CCDC88A: variants seen among roughly 807,000 people sequenced by gnomAD.
The protein encoded by CCDC88A is girdin.
In CCDC88A, 54 loss-of-function variants were observed where a neutral mutation model predicts 234.3. The ratio of observed to expected loss-of-function variants is 0.23; its 90% CI spans 0.19 to 0.29. The LOEUF (loss-of-function observed/expected upper bound fraction) is 0.29. CCDC88A is among the 10% of genes least tolerant of loss of function. The probability of loss-of-function intolerance (pLI) is 1.00; values close to 1 mark genes in which losing one functional copy is unlikely to be tolerated. For missense variants in CCDC88A, 1,832 were observed against 2,123.4 expected (o/e 0.86, Z 2.70); for synonymous variants, 753 against 737.8 (o/e 1.02, Z -0.33).
Position 55,348,754 on chromosome 2 carries a change from T to TA in CCDC88A, c.882+763dup, listed in dbSNP as rs952847698. 5.3e-5 allele frequency: 8 copies of TA among 151,582 alleles called. No individual in the cohort carries two copies. The South Asian group carries it at 6.3e-4, about 12-fold the overall frequency. The allele number at this position is 151,582 out of a possible 1,614,324, so 9.4% of individuals were successfully genotyped here. On this transcript the variant is annotated intron_variant, in intron 9 of 32. Transcript: ENST00000436346. The stretch of plus-strand genomic sequence containing the variant: ...CTGCTTTAGAGAGAACCAACACACG[T>TA]AAAAAAAACCCTGCTGCCAACAAGT...
In CCDC88A at chr2:55,301,121, A is replaced by C. The variant is rs2576699; in HGVS notation, c.4744+85T>G. On this transcript the variant is annotated intron_variant, in intron 28 of 32. Transcript: ENST00000436346. ...AGAGAAAACATGCTTGCTGGCAATG[A>C]CGCATTCACCTATTAAAGGCAAGAG... 712,440 of 762,340 alleles carry C rather than the reference A, an allele frequency of 0.93. 334,605 individuals are homozygous for C. Among genetic ancestry groups the C allele is most frequent in the Admixed American group, 0.97 (40,528 of 41,996 alleles). 47.2% of individuals were successfully genotyped at this position (762,340 alleles called of 1,614,324 possible). A position where few individuals can be genotyped will look rare whatever the true frequency, so the allele number is the denominator to read the frequency against.
At position 55,355,762 on chromosome 2, in the gene CCDC88A, A is replaced by T. The variant is rs765775276; in HGVS notation, c.628-11T>A. ...GAGTTCTATGATAGTCTAGAAATAC[A>T]CACAGAATCACTTTCAGTATTCTAC... On this transcript the variant is annotated splice_polypyrimidine_tract_variant and intron_variant, in intron 7 of 32. Transcript: ENST00000436346. 6.3e-7 allele frequency: 1 copy of T among 1,599,926 alleles called. No homozygotes were observed. Among genetic ancestry groups the T allele is most frequent in the Non-Finnish European group, 8.6e-7 (1 of 1,168,276 alleles).
chr2:55,419,095 T>A lies in CCDC88A; in HGVS notation c.-16A>T. ...CGTTCTCCATTTTACAGAGTATGTATTTGAAAAAAGGAACTACCACAAAAA... is the reference window on the plus strand; with the variant it reads ...CGTTCTCCATTTTACAGAGTATGTAATTGAAAAAAGGAACTACCACAAAAA... On this transcript the variant is annotated 5_prime_UTR_variant, in exon 1 of 33. Coordinates refer to ENST00000436346, the MANE Select transcript of CCDC88A (RefSeq NM_001365480.1). The A allele has an allele frequency of 6.3e-7, 1 of 1,575,784 alleles. No homozygotes were observed. The highest frequency in any genetic ancestry group is 1.7e-4 in the Middle Eastern group (1 of 5,996).
chr2:55,329,620 G>C (rs576949837), intron 16 of CCDC88A: 19 of 152,282 alleles, frequency 1.2e-4, no homozygotes, highest in African/African-American at 4.3e-4. Context: ...TGATGTATGG[G>C]AATGCTCAGC....
intron 2 of CCDC88A, among the ~76,000 whole-genome samples, chr2:55,393,289 G>GGTTT (rs1676959564): frequency 1.6e-5 from 1 of 61,658 alleles, no homozygotes; most frequent in African/African-American, 7.1e-5. Flanking sequence ...GGTTTTTTGG[G>GGTTT]TTTTTTTTTT....
At position 55,334,868 on chromosome 2, in the gene CCDC88A, T is replaced by C. The variant is rs1278407624; in HGVS notation, c.1953A>G (p.Leu651=). 5 of 1,517,686 alleles carry C rather than the reference T, an allele frequency of 3.3e-6. No individual in the cohort carries two copies. Among genetic ancestry groups the C allele is most frequent in the Non-Finnish European group, 4.5e-6 (5 of 1,117,980 alleles). 94.0% of individuals were successfully genotyped at this position (1,517,686 alleles called of 1,614,324 possible). Residue 651 remains leucine (L), a synonymous_variant, in exon 15 of 33, where the codon TTA becomes TTG. Coordinates refer to ENST00000436346, the MANE Select transcript of CCDC88A (RefSeq NM_001365480.1). This position sits in a 1 kb window ranked among gnomAD's most constrained non-coding sequence, Gnocchi z 6.1. Reference sequence around the variant, plus strand: ...CCTCAATTTTTTCACAAGTAATTTTTAAATTAGTTATTTTTTTCTGTAATA... The same window carrying C: ...CCTCAATTTTTTCACAAGTAATTTTCAAATTAGTTATTTTTTTCTGTAATA... ...NELLQKKITN[L]KITCEKIEAL...
At chr2:55,408,763 C>T (rs1680005301) in intron 2 of CCDC88A, among the ~76,000 whole-genome samples, 1 of 152,108 alleles carries the variant, frequency 6.6e-6, no homozygotes, top group South Asian at 2.1e-4. Context: ...AATAAACTTG[C>T]TTTCACTTTA....
intron 17 of CCDC88A, among the ~76,000 whole-genome samples, chr2:55,327,910 A>C (rs1290418247): frequency 6.6e-6 from 1 of 152,214 alleles, no homozygotes; most frequent in Non-Finnish European, 1.5e-5. Flanking sequence ...TTTTCCTCTA[A>C]CTTGGTATAC....
chr2:55,373,104 A>T (rs1673079366), intron 4 of CCDC88A, among the ~76,000 whole-genome samples: 1 of 152,192 alleles, frequency 6.6e-6, no homozygotes, highest in Non-Finnish European at 1.5e-5. Context: ...TCCCTGTCCA[A>T]CAGCATTCAA....
At chr2:55,373,644 G>C (rs1359343310) in intron 4 of CCDC88A, among the ~76,000 whole-genome samples, 1 of 152,070 alleles carries the variant, frequency 6.6e-6, no homozygotes, top group African/African-American at 2.4e-5. Flanking sequence ...CCAGTAACTT[G>C]GTAGGTACTT....
chr2:55,388,898 A>AG lies in CCDC88A; in HGVS notation c.165-13_165-12insC, dbSNP rs1676140807. The AG allele has an allele frequency of 1.1e-6, 1 of 947,598 alleles. No individual in the cohort carries two copies. Among genetic ancestry groups the AG allele is most frequent in the African/African-American group, 1.7e-5 (1 of 58,698 alleles). The allele number at this position is 947,598 out of a possible 1,614,324, so 58.7% of individuals were successfully genotyped here. ...CCAATTTAGGATTACTGTAAGAAAT[A>AG]CAAAAATACTTTAAAATTACATAAA... On this transcript the variant is annotated splice_polypyrimidine_tract_variant and intron_variant, in intron 2 of 32. Transcript: ENST00000436346.
intron 5 of CCDC88A, among the ~76,000 whole-genome samples, chr2:55,366,078 T>A (rs1481384743): frequency 6.6e-6 from 1 of 152,198 alleles, no homozygotes; most frequent in African/African-American, 2.4e-5. Context: ...GAAGACTAAA[T>A]AATATCAGCA....
chr2:55,383,791 T>C (rs1426529038), intron 3 of CCDC88A, among the ~76,000 whole-genome samples: 2 of 152,242 alleles, frequency 1.3e-5, no homozygotes, highest in Non-Finnish European at 2.9e-5. Flanking sequence ...TGATGAGAAT[T>C]CCATTGATTT....
chr2:55,416,329 G>A (rs1268853717), intron 2 of CCDC88A, among the ~76,000 whole-genome samples: 4 of 148,302 alleles, frequency 2.7e-5, no homozygotes, highest in African/African-American at 7.4e-5. Context: ...AAACAAAGAA[G>A]ACTGAAAGAA....
At chr2:55,327,000 A>C (rs1296523653) in intron 17 of CCDC88A, among the ~76,000 whole-genome samples, 1 of 152,206 alleles carries the variant, frequency 6.6e-6, no homozygotes, top group East Asian at 1.9e-4. Flanking sequence ...CTAATGGGGT[A>C]AAAAATTCAG....
At chr2:55,393,043 G>C (rs558599259) in intron 2 of CCDC88A, among the ~76,000 whole-genome samples, 1 of 151,812 alleles carries the variant, frequency 6.6e-6, no homozygotes, top group South Asian at 2.1e-4. Context: ...TATTTATAAA[G>C]TTCTACGAAA....
intron 14 of CCDC88A, among the ~76,000 whole-genome samples, chr2:55,336,407 A>G (rs1685466923): frequency 6.6e-6 from 1 of 152,106 alleles, no homozygotes; most frequent in African/African-American, 2.4e-5. Flanking sequence ...CGGCAGCCCT[A>G]TTCCACAGAC....
chr2:55,346,190 A>G lies in CCDC88A; in HGVS notation c.1026T>C (p.Tyr342=). Residue 342 remains tyrosine, a synonymous_variant, in exon 10 of 33, where the codon TAT becomes TAC. Coordinates refer to ENST00000436346, the MANE Select transcript of CCDC88A (RefSeq NM_001365480.1). ...TGCAACATACCTCAACTCTTGCCTT[A>G]TAAAATTCAATATCATGTAGTCTCT... ...YKERLHDIEF[Y]KARVEELKED... The G allele has an allele frequency of 6.2e-7, 1 of 1,603,554 alleles. No individual in the cohort carries two copies.
intron 2 of CCDC88A, among the ~76,000 whole-genome samples, chr2:55,394,906 CACAACCTCCACTCACT>C (rs1677279129): frequency 6.6e-6 from 1 of 151,760 alleles, no homozygotes; most frequent in African/African-American, 2.4e-5. Flanking sequence ...AGTGCAATGG[CACAACCTCCACTCACT>C]GCAACCTCCA....
Sources: allele counts gnomAD v4.1 joint callset (sites outside exome capture counted in the v4.1 genomes callset), GRCh38; gene constraint gnomAD v4.1.1; non-coding constraint Gnocchi (gnomAD v3.1); transcripts MANE v1.5; gene names NCBI Gene and HGNC (gene_info 2026-07-23, HGNC 2026-07-21).